SLC37A1: variants seen among roughly 807,000 people sequenced by gnomAD.
SLC37A1 encodes solute carrier family 37 member 1.
A neutral mutation model predicts 75.3 loss-of-function variants in SLC37A1; 49 were observed. The ratio of observed to expected loss-of-function variants is 0.65; its 90% CI spans 0.52 to 0.83. SLC37A1 has a LOEUF of 0.83. SLC37A1 is among the 40% of genes least tolerant of loss of function. The probability of loss-of-function intolerance (pLI) is 0.00; values close to 1 mark genes in which losing one functional copy is unlikely to be tolerated. For synonymous variants in SLC37A1, 268 were observed against 292.1 expected (o/e 0.92, Z 0.84); for missense variants, 566 against 695.0 (o/e 0.81, Z 2.09).
rs552575248 is a variant in SLC37A1, at chr21:42,541,012, C to G, written c.486+1365C>G. Among the ~76,000 whole-genome samples, 585 of 152,278 alleles carry G rather than the reference C, an allele frequency of 3.8e-3. 5 individuals are homozygous for G. Among genetic ancestry groups the G allele is most frequent in the African/African-American group, 0.013 (554 of 41,538 alleles). On this transcript the variant is annotated intron_variant, in intron 6 of 19. Transcript: ENST00000352133. ...GCAGCAGTTTCCAACCTTTTTGGCA[C>G]CAGGGACCAGTTTTGTGGAAGACAG...
intron 9 of SLC37A1, among the ~76,000 whole-genome samples, chr21:42,553,342 G>T (rs952417276): frequency 6.6e-6 from 1 of 152,306 alleles, no homozygotes; most frequent in African/African-American, 2.4e-5. Flanking sequence ...TTATTTTAAA[G>T]GAAGTTTGTT....
At chr21:42,536,076 G>A (rs143697596) in intron 5 of SLC37A1, among the ~76,000 whole-genome samples, 3 of 152,328 alleles carry the variant, frequency 2.0e-5, no homozygotes, top group African/African-American at 7.2e-5. Context: ...TGGCGGGTGG[G>A]GAACTCCAGA....
chr21:42,580,249 T>C, intron 19 of SLC37A1, 96 bp from the exon 20 acceptor site: 1 of 1,434,280 alleles, frequency 7.0e-7, no homozygotes, highest in Non-Finnish European at 9.7e-7. Flanking sequence ...GGCAGCTGGC[T>C]CCCCATAGGA....
At chr21:42,513,062 G>A (rs888663819), upstream of SLC37A1, among the ~76,000 whole-genome samples, 9 of 152,198 alleles carry the variant, frequency 5.9e-5, no homozygotes, top group Non-Finnish European at 8.8e-5. Flanking sequence ...GAAAATTTCC[G>A]CTCTGCCTCA....
intron 9 of SLC37A1, among the ~76,000 whole-genome samples, chr21:42,550,426 C>G (rs2055528204): frequency 6.6e-6 from 1 of 152,194 alleles, no homozygotes; most frequent in Non-Finnish European, 1.5e-5. Flanking sequence ...CTGAATAGAT[C>G]TAAAACAAGT....
At chr21:42,580,265 A>C in intron 19 of SLC37A1, 80 bp from the exon 20 acceptor site, 1 of 1,526,892 alleles carries the variant, frequency 6.5e-7, no homozygotes, top group Non-Finnish European at 9.0e-7. Flanking sequence ...TAGGATTTGC[A>C]CATGGTGTGT....
Position 42,580,485 on chromosome 21 carries a change from G to A in SLC37A1, c.*125G>A, listed in dbSNP as rs1260642912. On this transcript the variant is annotated 3_prime_UTR_variant, in exon 20 of 20. Coordinates refer to ENST00000352133, the MANE Select transcript of SLC37A1 (RefSeq NM_001320537.2). ...CCCTTTGCCTTTTGCACACGCACCT[G>A]GAAAAGACACAGAAGCCAACCTGAG... The A allele has an allele frequency of 9.4e-7, 1 of 1,067,912 alleles. No homozygotes were observed. The highest frequency in any genetic ancestry group is 1.3e-6 in the Non-Finnish European group (1 of 743,540). The allele number at this position is 1,067,912 out of a possible 1,614,324, so 66.2% of individuals were successfully genotyped here.
rs1244355043 is a variant in SLC37A1 at position 42,570,218 on chromosome 21, G to C, written c.1423+1780G>C. Among the ~76,000 whole-genome samples, 57 of 133,014 alleles carry C rather than the reference G, an allele frequency of 4.3e-4. 6 individuals carry two copies. Among genetic ancestry groups the C allele is most frequent in the African/African-American group, 8.8e-4 (30 of 34,206 alleles). The allele number at this position is 133,014 out of a possible 152,430, so 87.3% of individuals were successfully genotyped here. On this transcript the variant is annotated intron_variant, in intron 17 of 19. Transcript: ENST00000352133. ...CCTGGTTCTGAGAAGCGGCAGGCAG[G>C]GTGGCCGTTGCCATGTCATGTGACA...
Position 42,563,690 on chromosome 21 carries a change from C to T in SLC37A1, c.1073-125C>T, listed in dbSNP as rs17115131. On this transcript the variant is annotated intron_variant, in intron 12 of 19. Transcript: ENST00000352133. ...TTAAATCTGAGTTAACTACTAATTG[C>T]TCCTCGGTATAAATCAAGCTTATGA... is the stretch of plus-strand genomic sequence containing the variant. The T allele has an allele frequency of 0.012, 9,096 of 769,226 alleles. 578 individuals are homozygous for T. In the African/African-American group the frequency reaches 0.14, roughly 12 times the overall value. The allele number at this position is 769,226 out of a possible 1,614,324, so 47.7% of individuals were successfully genotyped here. A position where few individuals can be genotyped will look rare whatever the true frequency, so the allele number is the denominator to read the frequency against.
chr21:42,558,903 A>C, intron 10 of SLC37A1, 55 bp from the exon 11 acceptor site: 2 of 1,610,446 alleles, frequency 1.2e-6, no homozygotes, highest in Non-Finnish European at 8.5e-7. Context: ...CACTTCACCC[A>C]GACTGCCCGG....
intron 18 of SLC37A1, among the ~76,000 whole-genome samples, chr21:42,579,241 C>T (rs1355306320): frequency 6.6e-6 from 1 of 152,166 alleles, no homozygotes; most frequent in Non-Finnish European, 1.5e-5. Flanking sequence ...CAGTGGGGTG[C>T]GGCTGTCCTG....
chr21:42,566,934 G>A lies in SLC37A1; in HGVS notation c.1271-51G>A, dbSNP rs542035002. On this transcript the variant is annotated intron_variant, in intron 15 of 19. Coordinates refer to ENST00000352133, the MANE Select transcript of SLC37A1 (RefSeq NM_001320537.2). ...CACCTCAGGCTGCTCCTATGCATGC[G>A]GGGCTCTCTGGAGGGCACATTTCCA... 4.5e-5 allele frequency: 71 copies of A among 1,572,542 alleles called. No individual in the cohort carries two copies. The East Asian group carries it at 1.0e-3, about 23-fold the overall frequency.
rs1020237655 is a variant in SLC37A1 at position 42,547,471 on chromosome 21, G to A, written c.768+331G>A. 2.5e-5 allele frequency: 7 copies of A among 275,530 alleles called. No individual in the cohort carries two copies. Among genetic ancestry groups the A allele is most frequent in the Admixed American group, 4.9e-5 (1 of 20,438 alleles). 17.1% of individuals were successfully genotyped at this position (275,530 alleles called of 1,614,324 possible). On this transcript the variant is annotated intron_variant, in intron 9 of 19. Transcript: ENST00000352133. The surrounding 1 kb of genome is among the most constrained non-coding windows in gnomAD (Gnocchi z 6.1). ...GGGCCTCAGTGTGACGGGGAAAAAC[G>A]CACGTGTCAGCTGCCTGCCATCACT...
chr21:42,527,883 A>G (rs1187284533), intron 3 of SLC37A1, among the ~76,000 whole-genome samples: 9 of 152,220 alleles, frequency 5.9e-5, no homozygotes, highest in Non-Finnish European at 1.5e-5. Flanking sequence ...ACACCACATC[A>G]AAACTAAACT....
chr21:42,530,721 G>A (rs115532578), intron 3 of SLC37A1, among the ~76,000 whole-genome samples: 1,571 of 151,552 alleles, frequency 0.01, 24 homozygotes, highest in African/African-American at 0.036. Context: ...GGGGGATTCA[G>A]TGAGGCCTGA....
chr21:42,520,509 T>G (rs2146722996), intron 2 of SLC37A1, among the ~76,000 whole-genome samples: 1 of 152,332 alleles, frequency 6.6e-6, no homozygotes, highest in South Asian at 2.1e-4. Context: ...GGCAGCTTTC[T>G]CTTTAATGGA....
chr21:42,573,487 G>A (rs1243283963), intron 17 of SLC37A1, among the ~76,000 whole-genome samples: 1 of 152,086 alleles, frequency 6.6e-6, no homozygotes, highest in Non-Finnish European at 1.5e-5. Context: ...CCAAAACTAC[G>A]TGCCCTTCGG....
chr21:42,548,749 G>A lies in SLC37A1; in HGVS notation c.768+1609G>A, dbSNP rs228085. The stretch of plus-strand genomic sequence containing the variant: ...CAGTCCAGTGGCTCCATGTCGCCCC[G>A]TGTGAAATCCTCACCAGTCCATCTG... On this transcript the variant is annotated intron_variant, in intron 9 of 19. Transcript: ENST00000352133. The surrounding 1 kb of genome is among the most constrained non-coding windows in gnomAD (Gnocchi z 5.6). Among the ~76,000 whole-genome samples the A allele has an allele frequency of 0.64, 97,256 of 152,076 alleles. 32,217 individuals are homozygous for A. Among genetic ancestry groups the A allele is most frequent in the African/African-American group, 0.77 (32,150 of 41,512 alleles).
At chr21:42,521,687 T>C (rs1331205245) in intron 2 of SLC37A1, among the ~76,000 whole-genome samples, 1 of 152,254 alleles carries the variant, frequency 6.6e-6, no homozygotes, top group Non-Finnish European at 1.5e-5. Flanking sequence ...GGATTTTTCA[T>C]ATTGGTGGAA....
Sources: allele counts gnomAD v4.1 joint callset (sites outside exome capture counted in the v4.1 genomes callset), GRCh38; gene constraint gnomAD v4.1.1; non-coding constraint Gnocchi (gnomAD v3.1); transcripts MANE v1.5; gene names NCBI Gene and HGNC (gene_info 2026-07-23, HGNC 2026-07-21).